The following SEPTIN9 variants were observed in gnomAD, a reference collection of about 807,000 sequenced individuals.
SEPTIN9 encodes the protein septin-9.
SEPTIN9 carries 13 observed loss-of-function variants against 56.6 expected under a neutral mutation model. The observed-to-expected ratio is 0.23, with a 90% CI of 0.15 to 0.37. The LOEUF is 0.37. Ranked by LOEUF, SEPTIN9 falls within the 10% of genes least tolerant of loss-of-function variation. The pLI is 1.00. For synonymous variants in SEPTIN9, 332 were observed against 334.1 expected (o/e 0.99, Z 0.07); for missense variants, 650 against 823.1 (o/e 0.79, Z 2.57).
At chr17:77,287,127 C>T (rs368640720) in intron 1 of SEPTIN9, among the ~76,000 whole-genome samples, 5 of 152,306 alleles carry the variant, frequency 3.3e-5, no homozygotes, top group Admixed American at 6.5e-5. Flanking sequence ...GCAGGCCTGA[C>T]GGCAACTGCC....
rs2034668073 is a variant in SEPTIN9, at chr17:77,369,846, A to ACG, written c.77-32211_77-32210dup. Among the ~76,000 whole-genome samples the ACG allele has an allele frequency of 6.6e-6, 1 of 152,152 alleles. No individual in the cohort carries two copies. Among genetic ancestry groups the ACG allele is most frequent in the Non-Finnish European group, 1.5e-5 (1 of 68,014 alleles). ...TCATGGATATGGATGTGTGCGCCAA[A>ACG]CGCTGCTTCCTCGTGGATTTCCTCC... On this transcript the variant is annotated intron_variant, in intron 2 of 11. Transcript: ENST00000427177. This position sits in a 1 kb window ranked among gnomAD's most constrained non-coding sequence, Gnocchi z 4.9.
chr17:77,479,412 CTTGCA>C (rs2143167702), intron 3 of SEPTIN9, among the ~76,000 whole-genome samples: 1 of 152,340 alleles, frequency 6.6e-6, no homozygotes, highest in South Asian at 2.1e-4. Flanking sequence ...GAGGCGGGCT[CTTGCA>C]TTGCTCTCTG....
intron 3 of SEPTIN9, chr17:77,454,028 G>C: frequency 1.7e-5 from 16 of 954,642 alleles, no homozygotes; most frequent in Non-Finnish European, 2.0e-5. Flanking sequence ...CGGATGTTTA[G>C]GGCTTCCGCC....
intron 3 of SEPTIN9, among the ~76,000 whole-genome samples, chr17:77,413,673 T>G (rs965621872): frequency 2.2e-5 from 3 of 133,918 alleles, no homozygotes; most frequent in Non-Finnish European, 4.9e-5. Flanking sequence ...GCTGCAGTCT[T>G]GAGTAGGTAG....
At chr17:77,471,823 T>C (rs1014341088) in intron 3 of SEPTIN9, among the ~76,000 whole-genome samples, 2 of 152,218 alleles carry the variant, frequency 1.3e-5, no homozygotes, top group Non-Finnish European at 2.9e-5. Context: ...GGGGTTGCTT[T>C]GAGGTAGGGG....
intron 1 of SEPTIN9, among the ~76,000 whole-genome samples, chr17:77,302,214 T>C (rs1274263782): frequency 1.3e-5 from 2 of 152,196 alleles, no homozygotes; most frequent in Non-Finnish European, 2.9e-5. Context: ...GTGCCTGTAA[T>C]CCCAGCGTGA....
rs149284447 is a variant in SEPTIN9, at chr17:77,429,781, G to A, written c.721+27078G>A. 5.0e-3 allele frequency among the ~76,000 whole-genome samples: 756 copies of A among 152,266 alleles called. 9 individuals are homozygous for A. The highest frequency in any genetic ancestry group is 0.027 in the South Asian group (129 of 4,824). On this transcript the variant is annotated intron_variant, in intron 3 of 11. Coordinates refer to ENST00000427177, the MANE Select transcript of SEPTIN9 (RefSeq NM_001113491.2). This position sits in a 1 kb window ranked among gnomAD's most constrained non-coding sequence, Gnocchi z 5.2. ...GGGGTCTTAGAGACCTCAGAGCTGA[G>A]ACTCGGGACCACAGAGGGGTGGGCT...
chr17:77,450,771 G>A lies in SEPTIN9; in HGVS notation c.722-31373G>A, dbSNP rs573534931. On this transcript the variant is annotated intron_variant, in intron 3 of 11. Transcript: ENST00000427177. The surrounding 1 kb of genome is among the most constrained non-coding windows in gnomAD (Gnocchi z 6.0). ...ATCAGATCTGAATCCAGAGGCTCTC[G>A]GAGGAAGAGCTCAGGGTGAGCTGCG... 8 of 986,102 alleles carry A rather than the reference G, an allele frequency of 8.1e-6. No individual in the cohort carries two copies. Among genetic ancestry groups the A allele is most frequent in the East Asian group, 2.3e-4 (2 of 8,828 alleles). 61.1% of individuals were successfully genotyped at this position (986,102 alleles called of 1,614,324 possible).
At chr17:77,438,881 C>T (rs2037446871) in intron 3 of SEPTIN9, among the ~76,000 whole-genome samples, 1 of 152,192 alleles carries the variant, frequency 6.6e-6, no homozygotes, top group South Asian at 2.1e-4. Flanking sequence ...TTCTGGGCTC[C>T]TCTGGACTGC....
intron 1 of SEPTIN9, among the ~76,000 whole-genome samples, chr17:77,289,721 A>G (rs894587894): frequency 6.6e-6 from 1 of 151,788 alleles, no homozygotes; most frequent in African/African-American, 2.4e-5. Flanking sequence ...GCTTTTTATT[A>G]TTATTATTTA....
At chr17:77,424,989 T>C (rs2036847917) in intron 3 of SEPTIN9, among the ~76,000 whole-genome samples, 3 of 152,104 alleles carry the variant, frequency 2.0e-5, no homozygotes, top group Non-Finnish European at 2.9e-5. Flanking sequence ...ATCAGTAGGG[T>C]GAGGGTAACC....
chr17:77,414,322 G>A (rs148583518), intron 3 of SEPTIN9, among the ~76,000 whole-genome samples: 2,043 of 152,042 alleles, frequency 0.013, 49 homozygotes, highest in African/African-American at 0.046. Context: ...TGATCCACCC[G>A]CCTCAGCCTC....
At chr17:77,337,423 G>A (rs1036838691) in intron 2 of SEPTIN9, among the ~76,000 whole-genome samples, 1 of 151,954 alleles carries the variant, frequency 6.6e-6, no homozygotes, top group Admixed American at 6.6e-5. Context: ...AAGGATTTTT[G>A]CGTGTTGATT....
intron 4 of SEPTIN9, chr17:77,484,237 C>A (rs1656795): frequency 0.56 from 84,679 of 151,120 alleles, 25,265 homozygotes; most frequent in African/African-American, 0.79. Flanking sequence ...GGTGATGGTG[C>A]TAGTGGAGAT....
intron 2 of SEPTIN9, among the ~76,000 whole-genome samples, chr17:77,336,064 G>A (rs12452771): frequency 0.28 from 5,536 of 19,946 alleles, 1,462 homozygotes; most frequent in East Asian, 0.89. Context: ...TATATGTACT[G>A]TATACATGTA....
intron 1 of SEPTIN9, among the ~76,000 whole-genome samples, chr17:77,303,045 G>A (rs34344281): frequency 0.047 from 7,078 of 152,006 alleles, 189 homozygotes; most frequent in Middle Eastern, 0.075. Context: ...GTGGGTCCCC[G>A]GACTCCTGCC....
At chr17:77,290,875 A>G (rs2031514699) in intron 1 of SEPTIN9, among the ~76,000 whole-genome samples, 3 of 150,986 alleles carry the variant, frequency 2.0e-5, no homozygotes. Flanking sequence ...ATTATTTATT[A>G]TTATTATTAT....
At chr17:77,304,704 G>A (rs570421146) in intron 1 of SEPTIN9, among the ~76,000 whole-genome samples, 3 of 152,144 alleles carry the variant, frequency 2.0e-5, no homozygotes, top group African/African-American at 7.2e-5. Flanking sequence ...CCACAGTGGG[G>A]TGTGCTAGAT....
In SEPTIN9 at chr17:77,449,938, G is replaced by A. The variant is rs2037901459; in HGVS notation, c.722-32206G>A. On this transcript the variant is annotated intron_variant, in intron 3 of 11. Transcript: ENST00000427177. The surrounding 1 kb of genome is among the most constrained non-coding windows in gnomAD (Gnocchi z 4.6). ...CCACAGATATTGAGTGACAGGCCCA[G>A]GGCCTTGGATTTCAGTGTTTGACTC... Among the ~76,000 whole-genome samples the A allele has an allele frequency of 6.6e-6, 1 of 152,190 alleles. No homozygotes were observed. Among genetic ancestry groups the A allele is most frequent in the Admixed American group, 6.5e-5 (1 of 15,288 alleles).
Sources: gnomAD v4.1 joint callset for allele counts (sites outside exome capture counted in the v4.1 genomes callset) on GRCh38, gnomAD v4.1.1 for gene constraint, Gnocchi (gnomAD v3.1) non-coding constraint, MANE v1.5 for transcripts, NCBI Gene and HGNC (gene_info 2026-07-23, HGNC 2026-07-21) for gene names.